The following EPHA3 variants were observed in gnomAD, a reference collection of about 807,000 sequenced individuals.
EPHA3 encodes EPH receptor A3.
A neutral mutation model predicts 107.1 loss-of-function variants in EPHA3; 42 were observed. The observed-to-expected ratio is 0.39, with a 90% CI of 0.31 to 0.51. The LOEUF is 0.51. EPHA3 is among the 20% of genes least tolerant of loss of function. EPHA3 has a pLI of 0.78. For synonymous variants in EPHA3, 461 were observed against 424.8 expected, an observed-to-expected ratio of 1.09 and a Z score of -1.05; for missense variants, 1,183 against 1,211.2, an observed-to-expected ratio of 0.98 and a Z score of 0.35.
At chr3:89,165,359 A>G (rs1705038987) in intron 2 of EPHA3, among the ~76,000 whole-genome samples, 1 of 152,234 alleles carries the variant, frequency 6.6e-6, no homozygotes, top group Non-Finnish European at 1.5e-5. Context: ...TTATCTGTAT[A>G]TAAAACATTC....
intron 3 of EPHA3, among the ~76,000 whole-genome samples, chr3:89,239,074 T>C (rs1242564876): frequency 6.6e-6 from 1 of 152,188 alleles, no homozygotes. Context: ...TCACACAGTA[T>C]GCGAGAGTGA....
At chr3:89,459,229 A>C (rs907681406) in intron 15 of EPHA3, among the ~76,000 whole-genome samples, 9 of 152,196 alleles carry the variant, frequency 5.9e-5, no homozygotes, top group African/African-American at 2.2e-4. Flanking sequence ...TGAGGTATTA[A>C]GAAAACTATT....
At chr3:89,243,137 C>T (rs1322589627) in intron 3 of EPHA3, among the ~76,000 whole-genome samples, 1 of 152,034 alleles carries the variant, frequency 6.6e-6, no homozygotes, top group African/African-American at 2.4e-5. Flanking sequence ...GCCATATTTT[C>T]TTAATCCATT....
At chr3:89,143,000 A>G (rs962979768) in intron 2 of EPHA3, among the ~76,000 whole-genome samples, 3 of 151,326 alleles carry the variant, frequency 2.0e-5, no homozygotes, top group Non-Finnish European at 3.0e-5. Flanking sequence ...GCTAATTATT[A>G]AATATCTTAA....
At chr3:89,247,780 TA>T (rs1705070512) in intron 3 of EPHA3, among the ~76,000 whole-genome samples, 1 of 152,052 alleles carries the variant, frequency 6.6e-6, no homozygotes, top group African/African-American at 2.4e-5. Flanking sequence ...AATTTTATTG[TA>T]AAAGATATGA....
chr3:89,197,384 A>G (rs1451065409), intron 2 of EPHA3, among the ~76,000 whole-genome samples: 1 of 151,412 alleles, frequency 6.6e-6, no homozygotes, highest in African/African-American at 2.4e-5. Flanking sequence ...GAGGCTTAAC[A>G]TACTGCCTGG....
chr3:89,279,826 G>A (rs1287332001), intron 3 of EPHA3, among the ~76,000 whole-genome samples: 1 of 151,952 alleles, frequency 6.6e-6, no homozygotes, highest in African/African-American at 2.4e-5. Context: ...AATATCAAAG[G>A]GTTCAGTATT....
intron 2 of EPHA3, among the ~76,000 whole-genome samples, chr3:89,158,423 T>C (rs1424209313): frequency 1.3e-5 from 2 of 152,128 alleles, no homozygotes; most frequent in African/African-American, 2.4e-5. Context: ...TTTTACACTG[T>C]CTATTAAAAG....
In EPHA3 at chr3:89,423,351, C is replaced by T. The variant is rs79695472; in HGVS notation, c.2074+3961C>T. ...CCAGTTGCCTGTTTCCCTGCATGTA[C>T]GGTAAGGACACATTTCTGGAATAAG... On this transcript the variant is annotated intron_variant, in intron 11 of 16. Coordinates refer to ENST00000336596, the MANE Select transcript of EPHA3 (RefSeq NM_005233.6). Among the ~76,000 whole-genome samples, 135 of 151,290 alleles carry T rather than the reference C, an allele frequency of 8.9e-4. 1 individual carries two copies. In the Middle Eastern group the frequency reaches 0.014, roughly 15 times the overall value.
chr3:89,423,277 C>T (rs922319758), intron 11 of EPHA3, among the ~76,000 whole-genome samples: 1 of 151,310 alleles, frequency 6.6e-6, no homozygotes, highest in Non-Finnish European at 1.5e-5. Flanking sequence ...TAAAACTTAT[C>T]TGTAGTGGCA....
Position 89,322,675 on chromosome 3 carries a change from A to G in EPHA3, c.815-18241A>G, listed in dbSNP as rs533861879. ...TTGGGAGTGGGAAGAGTGTACCTAT[A>G]TAAAAAAGCAAAGCAGCTTTGAGCT... On this transcript the variant is annotated intron_variant, in intron 3 of 16. Coordinates refer to ENST00000336596, the MANE Select transcript of EPHA3 (RefSeq NM_005233.6). Among the ~76,000 whole-genome samples the G allele has an allele frequency of 4.6e-5, 7 of 152,196 alleles. No homozygotes were observed. The South Asian group carries it at 6.2e-4, about 14-fold the overall frequency.
chr3:89,202,745 ATAG>A (rs1252252018), intron 2 of EPHA3, among the ~76,000 whole-genome samples: 1 of 152,076 alleles, frequency 6.6e-6, no homozygotes, highest in East Asian at 1.9e-4. Context: ...AACTATAAAA[ATAG>A]TAGCATGTCT....
In EPHA3 at chr3:89,223,870, A is replaced by G. The variant is rs1704441039; in HGVS notation, c.814+13350A>G. Among the ~76,000 whole-genome samples, 4 of 152,262 alleles carry G rather than the reference A, an allele frequency of 2.6e-5. No homozygotes were observed. The South Asian group carries it at 8.3e-4, about 32-fold the overall frequency. On this transcript the variant is annotated intron_variant, in intron 3 of 16. Coordinates refer to ENST00000336596, the MANE Select transcript of EPHA3 (RefSeq NM_005233.6). ...AATATGGTTCTAAAATATAGTAACG[A>G]ATTTTTTAAGTTAAAAAATAAAGCT...
At position 89,210,538 on chromosome 3, in the gene EPHA3, T is replaced by C. The variant is rs755986223; in HGVS notation, c.814+18T>C. 1.3e-6 allele frequency: 2 copies of C among 1,518,516 alleles called. No homozygotes were observed. Among genetic ancestry groups the C allele is most frequent in the Non-Finnish European group, 1.8e-6 (2 of 1,136,530 alleles). The allele number at this position is 1,518,516 out of a possible 1,614,324, so 94.1% of individuals were successfully genotyped here. On this transcript the variant is annotated intron_variant, in intron 3 of 16. Transcript: ENST00000336596. ...GTGCCAAGGTAAGAGCCTTCTCTAT[T>C]TTTCTTTGAGCAATATTTCTCACCT...
At chr3:89,248,266 CAG>C (rs758517859) in intron 3 of EPHA3, among the ~76,000 whole-genome samples, 4 of 152,128 alleles carry the variant, frequency 2.6e-5, no homozygotes, top group Non-Finnish European at 5.9e-5. Context: ...CGTTACCAGA[CAG>C]ATGATGATTT....
chr3:89,460,355 C>T (rs1402356984), intron 15 of EPHA3, among the ~76,000 whole-genome samples: 2 of 129,386 alleles, frequency 1.5e-5, no homozygotes, highest in East Asian at 2.1e-4. Context: ...CAACACAATT[C>T]ATGACACAGA....
At chr3:89,398,806 G>T (rs1708898434) in intron 6 of EPHA3, among the ~76,000 whole-genome samples, 1 of 152,078 alleles carries the variant, frequency 6.6e-6, no homozygotes, top group Admixed American at 6.6e-5. Flanking sequence ...TTCAAATTGG[G>T]AAATTCTGTA....
At chr3:89,272,021 C>A (rs1276142485) in intron 3 of EPHA3, among the ~76,000 whole-genome samples, 1 of 151,920 alleles carries the variant, frequency 6.6e-6, no homozygotes, top group Non-Finnish European at 1.5e-5. Flanking sequence ...TTATGATTTT[C>A]TTAATAACTT....
chr3:89,346,502 T>C (rs1384538553), intron 5 of EPHA3, among the ~76,000 whole-genome samples: 3 of 148,466 alleles, frequency 2.0e-5, no homozygotes. Flanking sequence ...GGGTTCATTG[T>C]AGATTCTGGA....
Sources: allele counts gnomAD v4.1 joint callset (sites outside exome capture counted in the v4.1 genomes callset), GRCh38; gene constraint gnomAD v4.1.1; transcripts MANE v1.5; gene names NCBI Gene and HGNC (gene_info 2026-07-23, HGNC 2026-07-21).